Variants in ELMO1 observed in about 807,000 individuals in gnomAD.
ELMO1 encodes the protein engulfment and cell motility 1, also known as engulfment and cell motility protein 1.
A neutral mutation model predicts 98.9 loss-of-function variants in ELMO1; 26 were observed. The observed-to-expected ratio is 0.26, with a 90% CI of 0.19 to 0.36. The LOEUF (loss-of-function observed/expected upper bound fraction) is 0.36. ELMO1 is among the 10% of genes least tolerant of loss of function. The pLI, the probability that ELMO1 is intolerant of heterozygous loss-of-function variation, is 1.00. For synonymous variants in ELMO1, 346 were observed against 346.0 expected (o/e 1.00, Z 0.00); for missense variants, 627 against 935.2 (o/e 0.67, Z 4.30).
At chr7:37,120,906 G>A (rs558821909) in intron 14 of ELMO1, among the ~76,000 whole-genome samples, 6 of 152,230 alleles carry the variant, frequency 3.9e-5, no homozygotes, top group Admixed American at 1.3e-4. Context: ...TCACACAGCC[G>A]GGTACCCCTC....
chr7:36,986,284 T>C (rs1043816881), intron 16 of ELMO1: 2 of 984,362 alleles, frequency 2.0e-6, no homozygotes, highest in African/African-American at 3.5e-5. Context: ...TCAGAGATCA[T>C]CGGCTTTTCC....
intron 16 of ELMO1, among the ~76,000 whole-genome samples, chr7:36,926,732 ACT>A (rs1163089055): frequency 3.3e-5 from 5 of 152,196 alleles, no homozygotes; most frequent in African/African-American, 1.2e-4. Flanking sequence ...AAGATCTGAT[ACT>A]CTGATGTTTC....
rs1290453124 is a variant in ELMO1, at chr7:37,107,923, G to A, written c.1192-11196C>T. 2.0e-5 allele frequency among the ~76,000 whole-genome samples: 3 copies of A among 152,212 alleles called. No individual in the cohort carries two copies. The East Asian group carries it at 5.8e-4, about 29-fold the overall frequency. ...CACTCTGGTTTGGGAGAACGGACTT[G>A]AGAAGATGGAAAGGTGAGGAGAGAG... On this transcript the variant is annotated intron_variant, in intron 14 of 21. Coordinates refer to ENST00000310758, the MANE Select transcript of ELMO1 (RefSeq NM_014800.11).
chr7:37,256,573 AGG>A, intron 6 of ELMO1, among the ~76,000 whole-genome samples: 4 of 121,122 alleles, frequency 3.3e-5, no homozygotes, highest in East Asian at 3.0e-4. Flanking sequence ...GAAGGAAGGA[AGG>A]AAAGGAGGGA....
At chr7:37,099,743 G>T in intron 14 of ELMO1, among the ~76,000 whole-genome samples, 1 of 152,068 alleles carries the variant, frequency 6.6e-6, no homozygotes, top group East Asian at 1.9e-4. Flanking sequence ...TAATAAAGTA[G>T]GTATTATTAG....
At chr7:37,050,654 ACACAC>A (rs1562922895) in intron 15 of ELMO1, among the ~76,000 whole-genome samples, 5 of 147,350 alleles carry the variant, frequency 3.4e-5, no homozygotes, top group Admixed American at 1.4e-4. Context: ...ACACACACAC[ACACAC>A]AAAAGGTAAC....
At chr7:36,998,741 A>C (rs1792409338) in intron 16 of ELMO1, among the ~76,000 whole-genome samples, 1 of 151,972 alleles carries the variant, frequency 6.6e-6, no homozygotes, top group Non-Finnish European at 1.5e-5. Flanking sequence ...AGAGGTTTTC[A>C]AGGACTGACA....
chr7:37,118,637 C>T (rs1376878670), intron 14 of ELMO1, among the ~76,000 whole-genome samples: 1 of 152,178 alleles, frequency 6.6e-6, no homozygotes, highest in Non-Finnish European at 1.5e-5. Flanking sequence ...GTTGAAGCAC[C>T]TTCTATGTGC....
At chr7:37,414,145 A>C (rs1804112536) in intron 1 of ELMO1, among the ~76,000 whole-genome samples, 1 of 152,228 alleles carries the variant, frequency 6.6e-6, no homozygotes, top group South Asian at 2.1e-4. Flanking sequence ...GAATCATGGA[A>C]TTCATTTGAA....
chr7:37,412,258 G>A (rs1409462932), intron 1 of ELMO1, among the ~76,000 whole-genome samples: 1 of 152,176 alleles, frequency 6.6e-6, no homozygotes, highest in Non-Finnish European at 1.5e-5. Flanking sequence ...CCATGAAATG[G>A]CTTCCAGAGA....
intron 17 of ELMO1, among the ~76,000 whole-genome samples, chr7:36,892,375 T>A (rs1225975631): frequency 6.6e-6 from 1 of 152,122 alleles, no homozygotes; most frequent in Non-Finnish European, 1.5e-5. Flanking sequence ...CAAGCTTGGG[T>A]TAGATCCAAC....
chr7:37,042,199 T>C (rs561934790), intron 15 of ELMO1, among the ~76,000 whole-genome samples: 1 of 149,726 alleles, frequency 6.7e-6, no homozygotes, highest in East Asian at 1.9e-4. Context: ...AGACTCTGTT[T>C]TTCTGACTTT....
rs955048266 is a variant in ELMO1 at position 37,095,044 on chromosome 7, G to A, written c.1300+1575C>T. ...GAACATGAGTGAAGGTACACATGGA[G>A]AGTGGGCCTTCTGCTGCCATCAAGA... On this transcript the variant is annotated intron_variant, in intron 15 of 21. Coordinates refer to ENST00000310758, the MANE Select transcript of ELMO1 (RefSeq NM_014800.11). Among the ~76,000 whole-genome samples the A allele has an allele frequency of 2.0e-5, 3 of 152,214 alleles. No individual in the cohort carries two copies. The East Asian group carries it at 5.8e-4, about 29-fold the overall frequency.
chr7:37,393,065 C>A (rs534942890), intron 1 of ELMO1, among the ~76,000 whole-genome samples: 2 of 152,318 alleles, frequency 1.3e-5, no homozygotes, highest in Admixed American at 1.3e-4. Context: ...TCCATCAGGA[C>A]ATAATACAAA....
intron 15 of ELMO1, among the ~76,000 whole-genome samples, chr7:37,026,387 T>C (rs1389361643): frequency 6.6e-6 from 1 of 152,206 alleles, no homozygotes; most frequent in African/African-American, 2.4e-5. Flanking sequence ...CAATTCTGTA[T>C]TGGATAAATG....
At chr7:37,134,342 G>T (rs1787119649) in intron 13 of ELMO1, among the ~76,000 whole-genome samples, 1 of 152,162 alleles carries the variant, frequency 6.6e-6, no homozygotes, top group Non-Finnish European at 1.5e-5. Flanking sequence ...GCTGAGGCAG[G>T]TGGATTATGA....
At chr7:37,293,724 A>AT (rs1310425121) in intron 4 of ELMO1, among the ~76,000 whole-genome samples, 1,092 of 73,350 alleles carry the variant, frequency 0.015, 111 homozygotes, top group East Asian at 0.024. Flanking sequence ...ATAAAAAAAA[A>AT]AATAATAATA....
At chr7:36,885,205 C>A (rs910828791) in intron 18 of ELMO1, among the ~76,000 whole-genome samples, 1 of 152,080 alleles carries the variant, frequency 6.6e-6, no homozygotes, top group Admixed American at 6.5e-5. Flanking sequence ...TGGTCATGCT[C>A]CCTAGGGAGC....
At chr7:37,102,076 C>G (rs1784677365) in intron 14 of ELMO1, among the ~76,000 whole-genome samples, 1 of 152,130 alleles carries the variant, frequency 6.6e-6, no homozygotes, top group Non-Finnish European at 1.5e-5. Flanking sequence ...GGGTCAATGT[C>G]CCCTTAGGAA....
Sources: gnomAD v4.1 joint callset for allele counts (sites outside exome capture counted in the v4.1 genomes callset) on GRCh38, gnomAD v4.1.1 for gene constraint, MANE v1.5 for transcripts, NCBI Gene and HGNC (gene_info 2026-07-23, HGNC 2026-07-21) for gene names.